UHRF1: variants seen among roughly 807,000 people sequenced by gnomAD.
The protein encoded by UHRF1 is E3 ubiquitin-protein ligase UHRF1.
Under a neutral mutation model 96.5 loss-of-function variants are expected in UHRF1, and 9 were observed. That is an observed-to-expected ratio of 0.09 (90% CI 0.06 to 0.16). The LOEUF (loss-of-function observed/expected upper bound fraction) is 0.16, where lower values mean the gene tolerates loss of function less well. Among genes scored for constraint, UHRF1 ranks in the 10% least tolerant of loss-of-function variants. The pLI is 1.00. For missense variants in UHRF1, 626 were observed against 1,131.1 expected, an observed-to-expected ratio of 0.55 and a Z score of 6.40; for synonymous variants, 455 against 469.9, an observed-to-expected ratio of 0.97 and a Z score of 0.41.
At chr19:4,909,463 G>A (rs989454118), upstream of UHRF1, 2 of 653,988 alleles carry the variant, frequency 3.1e-6, no homozygotes, top group African/African-American at 1.9e-5. Flanking sequence ...CTGCGGCCCC[G>A]CAACTCCCAA....
intron 7 of UHRF1, among the ~76,000 whole-genome samples, chr19:4,942,511 C>T (rs921963143): frequency 2.0e-5 from 3 of 151,778 alleles, no homozygotes; most frequent in Admixed American, 6.6e-5. Context: ...TCTAATGGCA[C>T]GATCTTGGCT....
chr19:4,933,025 C>T (rs2033106011), intron 5 of UHRF1, 69 bp downstream of exon 5: 1 of 1,484,126 alleles, frequency 6.7e-7, no homozygotes, highest in African/African-American at 1.4e-5. Context: ...CCCGGACTGG[C>T]TTTGAAGCCG....
At chr19:4,919,591 C>T (rs549743288) in intron 2 of UHRF1, among the ~76,000 whole-genome samples, 2 of 152,184 alleles carry the variant, frequency 1.3e-5, no homozygotes, top group South Asian at 2.1e-4. Flanking sequence ...TGTGAGCCAC[C>T]GCGCCTAGCC....
In UHRF1 at chr19:4,944,436, C is replaced by T. The variant is rs1419229265; in HGVS notation, c.1291C>T (p.Arg431Trp). 2 of 1,613,836 alleles carry T rather than the reference C, an allele frequency of 1.2e-6. No individual in the cohort carries two copies. Among genetic ancestry groups the T allele is most frequent in the Non-Finnish European group, 1.7e-6 (2 of 1,179,888 alleles). Residue 431 changes from arginine to tryptophan, a missense_variant, in exon 9 of 17, where the codon CGG (arginine) becomes TGG (tryptophan). This residue lies in a region of UHRF1 where 5 missense variants were observed against 77.1 expected (regional missense o/e 0.06). Transcript: ENST00000650932. ...IPGIPVGTMW[R>W]FRVQVSESGV... ...GGGGATCCCCGTGGGCACCATGTGG[C>T]GGTTCCGAGTCCAGGTACCTGCAGC...
At chr19:4,939,852 G>A (rs373445925) in intron 5 of UHRF1, among the ~76,000 whole-genome samples, 17 of 152,142 alleles carry the variant, frequency 1.1e-4, no homozygotes, top group South Asian at 1.0e-3. Context: ...GTGAAACCCC[G>A]TCTCTACTAA....
upstream of UHRF1, among the ~76,000 whole-genome samples, chr19:4,908,469 C>T (rs1309608516): frequency 2.0e-5 from 3 of 152,154 alleles, no homozygotes; most frequent in Non-Finnish European, 1.5e-5. Flanking sequence ...TCAACTCCCC[C>T]TCCCCTTTGC....
intron 5 of UHRF1, among the ~76,000 whole-genome samples, chr19:4,938,525 TTTTG>T (rs951888659): frequency 2.6e-5 from 4 of 151,832 alleles, no homozygotes; most frequent in African/African-American, 4.8e-5. Context: ...GACAGTTTTT[TTTTG>T]TTTGTTTGTT....
intron 7 of UHRF1, 27 bp downstream of exon 7, chr19:4,941,958 G>A: frequency 6.8e-7 from 1 of 1,462,136 alleles, no homozygotes; most frequent in Non-Finnish European, 9.0e-7. Context: ...CCGCCGCGGG[G>A]AGACCAGAGC....
intron 2 of UHRF1, among the ~76,000 whole-genome samples, chr19:4,923,251 GA>G (rs1378962142): frequency 6.6e-6 from 1 of 152,108 alleles, no homozygotes; most frequent in Non-Finnish European, 1.5e-5. Context: ...GACAGAGTCC[GA>G]CCGTCTGGCC....
At chr19:4,951,506 A>AC (rs1472694629) in intron 13 of UHRF1, among the ~76,000 whole-genome samples, 1 of 151,586 alleles carries the variant, frequency 6.6e-6, no homozygotes, top group African/African-American at 2.4e-5. Context: ...AGCTGATGGC[A>AC]CCCCCCTAGC....
chr19:4,936,584 G>A (rs1362027414), intron 5 of UHRF1, among the ~76,000 whole-genome samples: 2 of 152,126 alleles, frequency 1.3e-5, no homozygotes, highest in Non-Finnish European at 2.9e-5. Context: ...AGTGTGGGGG[G>A]TCAATTCATT....
At chr19:4,920,438 GAAAA>G (rs373827871) in intron 2 of UHRF1, among the ~76,000 whole-genome samples, 3 of 148,642 alleles carry the variant, frequency 2.0e-5, no homozygotes, top group Non-Finnish European at 4.5e-5. Flanking sequence ...TCAAAAAAAA[GAAAA>G]AAAAAAGTAA....
rs547502243 is a variant in UHRF1, at chr19:4,947,229, T to C, written c.1517+18T>C. 1.2e-6 allele frequency: 2 copies of C among 1,607,484 alleles called. No homozygotes were observed. Among genetic ancestry groups the C allele is most frequent in the East Asian group, 2.2e-5 (1 of 44,832 alleles). On this transcript the variant is annotated intron_variant, in intron 11 of 16. Transcript: ENST00000650932. ...ACCAACAGGTTTGTGGAATCAGCCT[T>C]CTTATTTCCTTGCTGATGCATATCT...
intron 16 of UHRF1, among the ~76,000 whole-genome samples, chr19:4,957,744 C>T (rs17881990): frequency 0.044 from 6,659 of 152,204 alleles, 500 homozygotes; most frequent in African/African-American, 0.15. Context: ...GCAGCATCCC[C>T]GGCCCCCACC....
chr19:4,945,321 C>A (rs1164491856), intron 9 of UHRF1, among the ~76,000 whole-genome samples: 5 of 152,060 alleles, frequency 3.3e-5, no homozygotes, highest in African/African-American at 1.2e-4. Flanking sequence ...TGCAGTGGTG[C>A]GGTCTTGGCT....
At chr19:4,906,693 C>G (rs1269739778), upstream of UHRF1, among the ~76,000 whole-genome samples, 2 of 151,910 alleles carry the variant, frequency 1.3e-5, no homozygotes, top group Non-Finnish European at 2.9e-5. Context: ...GTGGAGGTTG[C>G]GGAGAGCCAA....
intron 7 of UHRF1, 45 bp downstream of exon 7, chr19:4,941,976 A>G: frequency 7.0e-7 from 1 of 1,434,964 alleles, no homozygotes; most frequent in South Asian, 1.6e-5. Context: ...AGCGCCCCCT[A>G]CAAATCCCCA....
At chr19:4,929,169 T>C (rs2032967701) in intron 2 of UHRF1, 53 bp from the exon 3 acceptor site, 2 of 1,575,574 alleles carry the variant, frequency 1.3e-6, no homozygotes, top group Non-Finnish European at 1.7e-6. Context: ...TGCCCACAGA[T>C]GCCCACTTGG....
chr19:4,930,587 A>G lies in UHRF1; in HGVS notation c.409-129A>G, dbSNP rs1683770046. The G allele has an allele frequency of 8.3e-7, 1 of 1,199,208 alleles. No homozygotes were observed. Among genetic ancestry groups the G allele is most frequent in the Non-Finnish European group, 1.2e-6 (1 of 858,232 alleles). 74.3% of individuals were successfully genotyped at this position (1,199,208 alleles called of 1,614,324 possible). On this transcript the variant is annotated intron_variant, in intron 3 of 16. Transcript: ENST00000650932. This position sits in a 1 kb window ranked among gnomAD's most constrained non-coding sequence, Gnocchi z 4.4. ...GGTCAGCGGTTCCCAGCCAGGGAGG[A>G]GAAACCTCGCTGTGGGCATTCGAGT...
Sources: allele counts gnomAD v4.1 joint callset (sites outside exome capture counted in the v4.1 genomes callset), GRCh38; gene constraint gnomAD v4.1.1; regional missense constraint gnomAD v4.1.1; non-coding constraint Gnocchi (gnomAD v3.1); transcripts MANE v1.5; gene names NCBI Gene and HGNC (gene_info 2026-07-23, HGNC 2026-07-21).